Variants in FUT8 observed in about 807,000 individuals in gnomAD.
The protein encoded by FUT8 is fucosyltransferase 8, also known as alpha-(1,6)-fucosyltransferase.
In FUT8, 29 loss-of-function variants were observed where a neutral mutation model predicts 71.3. That is an observed-to-expected ratio of 0.41 (90% CI 0.30 to 0.55). FUT8 has a LOEUF of 0.55. Among genes scored for constraint, FUT8 ranks in the 20% least tolerant of loss-of-function variants. FUT8 has a pLI of 0.34. For synonymous variants in FUT8, 254 were observed against 239.3 expected (o/e 1.06, Z -0.57); for missense variants, 544 against 702.1 (o/e 0.77, Z 2.55).
At chr14:65,584,893 A>T (rs1481784604) in intron 3 of FUT8, among the ~76,000 whole-genome samples, 1 of 152,220 alleles carries the variant, frequency 6.6e-6, no homozygotes, top group African/African-American at 2.4e-5. Context: ...TTGTAGTCAG[A>T]CAGATCTAAT....
At chr14:65,442,023 C>T (rs1371302835) in intron 1 of FUT8, among the ~76,000 whole-genome samples, 3 of 151,956 alleles carry the variant, frequency 2.0e-5, no homozygotes, top group Admixed American at 6.6e-5. Context: ...GTTCAGTTCC[C>T]ACCTATGTTT....
chr14:65,497,926 A>G, intron 2 of FUT8, among the ~76,000 whole-genome samples: 1 of 152,096 alleles, frequency 6.6e-6, no homozygotes, highest in Non-Finnish European at 1.5e-5. Context: ...AGGGGAAGGG[A>G]GCGATTTTCT....
At chr14:65,670,882 T>C (rs1164092033) in intron 7 of FUT8, among the ~76,000 whole-genome samples, 3 of 152,306 alleles carry the variant, frequency 2.0e-5, no homozygotes, top group East Asian at 1.9e-4. Context: ...CCTTATTTTA[T>C]ATATCACCCG....
In FUT8 at chr14:65,563,244, A is replaced by T. The variant is rs559481435; in HGVS notation, c.203+1478A>T. On this transcript the variant is annotated intron_variant, in intron 3 of 10. Coordinates refer to ENST00000673929, the MANE Select transcript of FUT8 (RefSeq NM_001371533.1). ...TATTCATTCATTCTAAAGATTGATA[A>T]TTTAGGGGTTAGTAATAATAGCTGT... Among the ~76,000 whole-genome samples, 8 of 152,096 alleles carry T rather than the reference A, an allele frequency of 5.3e-5. No homozygotes were observed. The South Asian group carries it at 1.7e-3, about 32-fold the overall frequency.
At chr14:65,589,601 G>A (rs913936392) in intron 3 of FUT8, among the ~76,000 whole-genome samples, 7 of 151,888 alleles carry the variant, frequency 4.6e-5, no homozygotes, top group Non-Finnish European at 8.8e-5. Flanking sequence ...CCGCCACCAC[G>A]CCTGGCTAAC....
intron 2 of FUT8, among the ~76,000 whole-genome samples, chr14:65,532,578 A>G (rs1347990652): frequency 1.3e-5 from 2 of 152,066 alleles, no homozygotes; most frequent in Non-Finnish European, 2.9e-5. Context: ...ATTTTCTGTC[A>G]TTCTGTAGGT....
chr14:65,671,556 C>T (rs77919151), intron 7 of FUT8, among the ~76,000 whole-genome samples: 2,723 of 152,288 alleles, frequency 0.018, 31 homozygotes, highest in South Asian at 0.024. Flanking sequence ...AAGTCCTTAT[C>T]AGTAAACTCA....
chr14:65,503,249 G>A (rs2066675445), intron 2 of FUT8, among the ~76,000 whole-genome samples: 1 of 152,150 alleles, frequency 6.6e-6, no homozygotes, highest in Non-Finnish European at 1.5e-5. Flanking sequence ...TGGTAATTGT[G>A]TACATATTTA....
chr14:65,500,880 A>C (rs894399419), intron 2 of FUT8, among the ~76,000 whole-genome samples: 19 of 152,198 alleles, frequency 1.2e-4, no homozygotes, highest in Non-Finnish European at 2.4e-4. Flanking sequence ...TTTCAGGGTT[A>C]AAATGTGTTT....
intron 1 of FUT8, among the ~76,000 whole-genome samples, chr14:65,426,099 A>G (rs998019279): frequency 1.3e-5 from 2 of 152,094 alleles, no homozygotes; most frequent in African/African-American, 2.4e-5. Context: ...CCTTTGGCCA[A>G]CATCTCCCCA....
chr14:65,724,110 C>T (rs1895561919), intron 8 of FUT8, 37 bp from the exon 9 acceptor site: 1 of 1,461,558 alleles, frequency 6.8e-7, no homozygotes, highest in South Asian at 1.6e-5. Context: ...CACCCAGTGT[C>T]AGTACATTAC....
Position 65,728,582 on chromosome 14 carries a change from A to G in FUT8, c.1259+4259A>G, listed in dbSNP as rs118053362. Among the ~76,000 whole-genome samples the G allele has an allele frequency of 9.1e-3, 1,382 of 152,364 alleles. 6 individuals carry two copies. Among genetic ancestry groups the G allele is most frequent in the Middle Eastern group, 0.014 (4 of 294 alleles). ...TTTATGTAGTCTCATTTTCTAATAC[A>G]GTCATGTACCACATAACATTTCAGT... On this transcript the variant is annotated intron_variant, in intron 9 of 10. Coordinates refer to ENST00000673929, the MANE Select transcript of FUT8 (RefSeq NM_001371533.1).
intron 6 of FUT8, among the ~76,000 whole-genome samples, chr14:65,649,283 G>T (rs947688435): frequency 2.0e-5 from 3 of 152,168 alleles, no homozygotes; most frequent in African/African-American, 7.2e-5. Flanking sequence ...CCTGAGGTTG[G>T]TGATTTTTTG....
intron 2 of FUT8, among the ~76,000 whole-genome samples, chr14:65,464,259 GTTTTT>G (rs3084724): frequency 8.6e-6 from 1 of 116,542 alleles, no homozygotes; most frequent in South Asian, 3.0e-4. Context: ...AGTACTTTGG[GTTTTT>G]TTTTTTTTTT....
chr14:65,618,242 A>T (rs982682301), intron 5 of FUT8, among the ~76,000 whole-genome samples: 2 of 151,590 alleles, frequency 1.3e-5, no homozygotes, highest in Non-Finnish European at 2.9e-5. Context: ...TGTAAATAAT[A>T]ATATAATTTG....
chr14:65,624,025 T>C (rs1889767687), intron 5 of FUT8, among the ~76,000 whole-genome samples: 1 of 152,338 alleles, frequency 6.6e-6, no homozygotes, highest in South Asian at 2.1e-4. Flanking sequence ...TATGGTTCCC[T>C]TGCTGATTTG....
chr14:65,733,734 A>T (rs1896088576), intron 10 of FUT8, among the ~76,000 whole-genome samples: 1 of 152,066 alleles, frequency 6.6e-6, no homozygotes, highest in Non-Finnish European at 1.5e-5. Flanking sequence ...ATGTAACCAG[A>T]ATCCATCCAT....
chr14:65,683,488 G>T (rs552023560), intron 7 of FUT8, among the ~76,000 whole-genome samples: 51 of 152,270 alleles, frequency 3.3e-4, no homozygotes, highest in African/African-American at 1.2e-3. Context: ...GATTGGCATT[G>T]TTATTACTCA....
chr14:65,570,994 C>G (rs1886440220), intron 3 of FUT8, among the ~76,000 whole-genome samples: 1 of 152,032 alleles, frequency 6.6e-6, no homozygotes, highest in African/African-American at 2.4e-5. Context: ...GTTTCTGTAC[C>G]TCACTTCTGA....
Sources: gnomAD v4.1 joint callset for allele counts (sites outside exome capture counted in the v4.1 genomes callset) on GRCh38, gnomAD v4.1.1 for gene constraint, MANE v1.5 for transcripts, NCBI Gene and HGNC (gene_info 2026-07-23, HGNC 2026-07-21) for gene names.